The following PKP4 variants were observed in gnomAD, a reference collection of about 807,000 sequenced individuals.
PKP4 encodes plakophilin-4.
In PKP4, 90 loss-of-function variants were observed where a neutral mutation model predicts 145.1. That is an observed-to-expected ratio of 0.62 (90% CI 0.52 to 0.74). The LOEUF is 0.74. Among genes scored for constraint, PKP4 ranks in the 30% least tolerant of loss-of-function variants. PKP4 has a pLI of 0.00. For missense variants in PKP4, 1,340 were observed against 1,482.7 expected (o/e 0.90, Z 1.58); for synonymous variants, 563 against 577.2 (o/e 0.98, Z 0.35).
intron 21 of PKP4, chr2:158,679,129 C>CA (rs2058262081): frequency 1.2e-5 from 2 of 163,684 alleles, no homozygotes; most frequent in African/African-American, 2.4e-5. Flanking sequence ...TCTCAGTGGT[C>CA]AAGGTGGACT....
In PKP4 at chr2:158,676,748, C is replaced by G. The variant is rs1260076826; in HGVS notation, c.3137C>G (p.Thr1046Ser). ...MSPIIQSVGS[T>S]SSSPALLGIR... is the part of the protein sequence containing the mutation. ...TTGCCTCTCCCTTCAGTCGGCAGCA[C>G]CTCTTCCTCACCAGCACTGTTAGGA... The change falls in exon 20 of 22, where the codon ACC becomes AGC. Residue 1046 changes from threonine to serine, a missense_variant. Coordinates refer to ENST00000389759, the MANE Select transcript of PKP4 (RefSeq NM_003628.6). 6.2e-7 allele frequency: 1 copy of G among 1,614,026 alleles called. No individual in the cohort carries two copies. Among genetic ancestry groups the G allele is most frequent in the Non-Finnish European group, 8.5e-7 (1 of 1,180,022 alleles).
At chr2:158,550,846 A>G (rs972695785) in intron 2 of PKP4, among the ~76,000 whole-genome samples, 4 of 152,228 alleles carry the variant, frequency 2.6e-5, no homozygotes, top group African/African-American at 9.6e-5. Flanking sequence ...TTTGAGAGAA[A>G]GCTTATAAAT....
At chr2:158,527,248 A>G (rs1341737384) in intron 1 of PKP4, among the ~76,000 whole-genome samples, 2 of 145,860 alleles carry the variant, frequency 1.4e-5, no homozygotes, top group African/African-American at 5.1e-5. Context: ...CTACAAGGCT[A>G]CAGTAACCCA....
chr2:158,626,900 A>AT (rs1248164858), intron 7 of PKP4, among the ~76,000 whole-genome samples: 3 of 152,088 alleles, frequency 2.0e-5, no homozygotes, highest in Non-Finnish European at 2.9e-5. Flanking sequence ...CTTCTCAAGT[A>AT]TTTTTTCCAT....
At chr2:158,508,519 C>T (rs983469870) in intron 1 of PKP4, among the ~76,000 whole-genome samples, 26 of 151,988 alleles carry the variant, frequency 1.7e-4, no homozygotes, top group Admixed American at 1.7e-3. Flanking sequence ...AAATTGATAC[C>T]AAGAAACCCA....
chr2:158,617,992 G>C (rs1297238788), intron 4 of PKP4, among the ~76,000 whole-genome samples: 2 of 152,158 alleles, frequency 1.3e-5, no homozygotes, highest in African/African-American at 4.8e-5. Flanking sequence ...AGGCCAGCCT[G>C]GCCAACGTGG....
At chr2:158,510,094 G>T (rs1333171849) in intron 1 of PKP4, among the ~76,000 whole-genome samples, 2 of 152,166 alleles carry the variant, frequency 1.3e-5, no homozygotes, top group Non-Finnish European at 2.9e-5. Context: ...TAAAAGGAAA[G>T]AAGTTACCCA....
intron 1 of PKP4, among the ~76,000 whole-genome samples, chr2:158,509,511 ACAAT>A (rs1362105488): frequency 6.6e-6 from 1 of 152,226 alleles, no homozygotes; most frequent in African/African-American, 2.4e-5. Context: ...GAGACATAAG[ACAAT>A]CAAGACTTTT....
At chr2:158,500,294 C>CCTA (rs1405224393) in intron 1 of PKP4, among the ~76,000 whole-genome samples, 2 of 152,130 alleles carry the variant, frequency 1.3e-5, no homozygotes, top group Admixed American at 1.3e-4. Context: ...CTGATAACTG[C>CCTA]CGGTAATGAC....
chr2:158,677,387 A>AACAG (rs2106027561), intron 20 of PKP4: 1 of 64,744 alleles, frequency 1.5e-5, no homozygotes, highest in East Asian at 2.2e-4. Context: ...TTTTAAGAAT[A>AACAG]ACAAAAATAA....
At chr2:158,523,286 G>A (rs2042596457) in intron 1 of PKP4, among the ~76,000 whole-genome samples, 1 of 144,928 alleles carries the variant, frequency 6.9e-6, no homozygotes. Flanking sequence ...GGAGATCTGA[G>A]AACGGGCAGA....
At chr2:158,635,628 T>C (rs1338382953) in intron 9 of PKP4, among the ~76,000 whole-genome samples, 1 of 152,170 alleles carries the variant, frequency 6.6e-6, no homozygotes, top group African/African-American at 2.4e-5. Flanking sequence ...GACTTCAGTT[T>C]TGACCTCTAA....
intron 4 of PKP4, among the ~76,000 whole-genome samples, chr2:158,617,541 T>C (rs1420993772): frequency 6.6e-6 from 1 of 152,234 alleles, no homozygotes; most frequent in African/African-American, 2.4e-5. Context: ...ATTTGACTAG[T>C]ATCTTTCATT....
chr2:158,664,321 T>G (rs973392383), intron 15 of PKP4, among the ~76,000 whole-genome samples: 1 of 152,218 alleles, frequency 6.6e-6, no homozygotes, highest in African/African-American at 2.4e-5. Context: ...CTAAGGTTTC[T>G]GCATCTTTTT....
At chr2:158,604,819 G>T (rs544035776) in intron 4 of PKP4, among the ~76,000 whole-genome samples, 1 of 152,158 alleles carries the variant, frequency 6.6e-6, no homozygotes, top group African/African-American at 2.4e-5. Context: ...CTGTTAAACC[G>T]ATAGGTCCAT....
chr2:158,480,174 C>G (rs1559199638), intron 1 of PKP4, among the ~76,000 whole-genome samples: 1 of 152,156 alleles, frequency 6.6e-6, no homozygotes, highest in Non-Finnish European at 1.5e-5. Flanking sequence ...TTCCTTTTGT[C>G]TTAATTTTAA....
chr2:158,488,217 T>C (rs1302289250), intron 1 of PKP4, among the ~76,000 whole-genome samples: 2 of 152,228 alleles, frequency 1.3e-5, no homozygotes, highest in Admixed American at 1.3e-4. Context: ...GTGAAAGATC[T>C]AGGTAGTGTA....
chr2:158,532,422 G>A (rs527739458), intron 1 of PKP4, among the ~76,000 whole-genome samples: 1 of 152,322 alleles, frequency 6.6e-6, no homozygotes, highest in Non-Finnish European at 1.5e-5. Context: ...CACTAGGCTA[G>A]TTTCATGGTA....
Position 158,642,612 on chromosome 2 carries a change from A to T in PKP4, c.1822A>T (p.Ile608Leu). The part of the protein sequence containing the change: ...VFGKSTDENK[I>L]AMKNVGGIPA... ...TGGCAAGTCTACAGATGAAAATAAA[A>T]TAGCAATGAAGAATGTTGGTGGGAT... is the stretch of plus-strand genomic sequence containing the variant. The change falls in exon 11 of 22, where the codon ATA becomes TTA. Residue 608 changes from isoleucine to leucine, a missense_variant. Physicochemically the swap from Ile to Leu is conservative, Grantham distance 5 (BLOSUM62 2). Coordinates refer to ENST00000389759, the MANE Select transcript of PKP4 (RefSeq NM_003628.6). The T allele has an allele frequency of 3.7e-6, 6 of 1,613,756 alleles. No homozygotes were observed. The highest frequency in any genetic ancestry group is 4.2e-6 in the Non-Finnish European group (5 of 1,179,694).
Sources: gnomAD v4.1 joint callset for allele counts (sites outside exome capture counted in the v4.1 genomes callset) on GRCh38, gnomAD v4.1.1 for gene constraint, MANE v1.5 for transcripts, NCBI Gene and HGNC (gene_info 2026-07-23, HGNC 2026-07-21) for gene names.